MTO1: variants seen among roughly 807,000 people sequenced by gnomAD.
The protein encoded by MTO1 is mitochondrial tRNA translation optimization 1.
In MTO1, 46 loss-of-function variants were observed where a neutral mutation model predicts 71.6. That is an observed-to-expected ratio of 0.64 (90% CI 0.51 to 0.82). The LOEUF is 0.82. Ranked by LOEUF, MTO1 falls within the 40% of genes least tolerant of loss-of-function variation. The pLI, the probability that MTO1 is intolerant of heterozygous loss-of-function variation, is 0.00. For missense variants in MTO1, 773 were observed against 867.5 expected (o/e 0.89, Z 1.37); for synonymous variants, 297 against 312.1 (o/e 0.95, Z 0.51).
chr6:73,474,460 T>G (rs1322475237), intron 4 of MTO1, among the ~76,000 whole-genome samples: 1 of 152,168 alleles, frequency 6.6e-6, no homozygotes, highest in East Asian at 1.9e-4. Context: ...TTTCTTTTTT[T>G]TGTTTTTTTG....
chr6:73,479,261 G>A (rs1722336950), intron 4 of MTO1, among the ~76,000 whole-genome samples: 1 of 151,970 alleles, frequency 6.6e-6, no homozygotes, highest in Admixed American at 6.6e-5. Context: ...TTGGGAGGCT[G>A]AGGCAGGTGG....
intron 9 of MTO1, chr6:73,486,669 C>T (rs1031104186): frequency 5.8e-5 from 23 of 398,676 alleles, no homozygotes; most frequent in Non-Finnish European, 9.6e-5. Context: ...ACCTGGGAAG[C>T]GGAGGTTGCA....
chr6:73,461,967 A>G lies in MTO1; in HGVS notation c.113A>G (p.Asp38Gly). ...DSAAPRTPHFDVIVIGGGHAG... is the reference protein window; with the variant it reads ...DSAAPRTPHFGVIVIGGGHAG... ...GCGGCGCCCCGGACTCCGCACTTCGACGTGATAGTCATTGGTGGAGGACAT... is the reference window on the plus strand; with the variant it reads ...GCGGCGCCCCGGACTCCGCACTTCGGCGTGATAGTCATTGGTGGAGGACAT... Residue 38 changes from aspartate to glycine, a missense_variant, in exon 1 of 12, where the codon GAC becomes GGC. Physicochemically the swap from Asp to Gly is moderately conservative, Grantham distance 94. Coordinates refer to ENST00000498286, the MANE Select transcript of MTO1 (RefSeq NM_012123.4). 1.2e-6 allele frequency: 2 copies of G among 1,614,196 alleles called. No individual in the cohort carries two copies. Among genetic ancestry groups the G allele is most frequent in the Non-Finnish European group, 1.7e-6 (2 of 1,180,042 alleles).
At chr6:73,469,685 T>C (rs998151633) in intron 3 of MTO1, among the ~76,000 whole-genome samples, 3 of 150,942 alleles carry the variant, frequency 2.0e-5, no homozygotes, top group African/African-American at 7.3e-5. Flanking sequence ...CAGTTAATTT[T>C]ATTGCCTGGC....
Position 73,508,257 on chromosome 6 carries a change from T to C in MTO1, c.*7522T>C, listed in dbSNP as rs1212109409. The C allele has an allele frequency of 6.6e-6, 1 of 152,210 alleles. No homozygotes were observed. The highest frequency in any genetic ancestry group is 2.4e-5 in the African/African-American group (1 of 41,464). The allele number at this position is 152,210 out of a possible 1,614,324, so 9.4% of individuals were successfully genotyped here. ...TATATCTGAAGACAATAATAATTTC[T>C]TAGAATTTGCTAGGCTAAACAACTA... is the stretch of plus-strand genomic sequence containing the variant. On this transcript the variant is annotated 3_prime_UTR_variant, in exon 12 of 12. Coordinates refer to ENST00000498286, the MANE Select transcript of MTO1 (RefSeq NM_012123.4).
chr6:73,482,412 C>T (rs778016398), intron 8 of MTO1, 37 bp from the exon 9 acceptor site: 1 of 1,591,264 alleles, frequency 6.3e-7, no homozygotes, highest in East Asian at 2.2e-5. Flanking sequence ...CTTTAAAAAC[C>T]ACACTTCTCA....
chr6:73,479,874 T>C, intron 5 of MTO1, 30 bp downstream of exon 5: 1 of 1,604,024 alleles, frequency 6.2e-7, no homozygotes, highest in Admixed American at 1.7e-5. Context: ...GCTCAGTTAC[T>C]TTAAGGAATG....
Position 73,466,193 on chromosome 6 carries a change from T to C in MTO1, c.218-16T>C, listed in dbSNP as rs759022355. ...GGTGCTCATATATTTATTTTGTTTA[T>C]GTCTATTATCTTTAGGTCAGATGTC... On this transcript the variant is annotated splice_polypyrimidine_tract_variant and intron_variant, in intron 1 of 11. Coordinates refer to ENST00000498286, the MANE Select transcript of MTO1 (RefSeq NM_012123.4). 3.8e-6 allele frequency: 6 copies of C among 1,595,812 alleles called. No individual in the cohort carries two copies. Among genetic ancestry groups the C allele is most frequent in the Non-Finnish European group, 5.2e-6 (6 of 1,163,400 alleles).
intron 10 of MTO1, among the ~76,000 whole-genome samples, chr6:73,493,247 G>A (rs1771872356): frequency 6.6e-6 from 1 of 151,138 alleles, no homozygotes; most frequent in South Asian, 2.1e-4. Flanking sequence ...GCCTGCCTCG[G>A]CCTCCCAAAG....
intron 9 of MTO1, among the ~76,000 whole-genome samples, chr6:73,490,474 G>A (rs1017935648): frequency 1.2e-4 from 18 of 152,066 alleles, no homozygotes; most frequent in Non-Finnish European, 4.4e-5. Context: ...TGTATAAGGT[G>A]TAAGGAAGGG....
intron 9 of MTO1, among the ~76,000 whole-genome samples, chr6:73,488,645 T>G (rs1323165206): frequency 6.6e-6 from 1 of 151,968 alleles, no homozygotes; most frequent in Non-Finnish European, 1.5e-5. Context: ...CATGGTAGCT[T>G]GTGCCTGTAA....
chr6:73,462,292 AGTC>A, intron 1 of MTO1: 1 of 594,260 alleles, frequency 1.7e-6, no homozygotes, highest in East Asian at 2.8e-5. Context: ...TGCTGCTGAC[AGTC>A]GTCCGTTGTA....
At position 73,482,515 on chromosome 6, in the gene MTO1, TAGA is replaced by T; in HGVS notation, c.1538_1540del (p.Glu513del). 1 of 1,613,070 alleles carries T rather than the reference TAGA, an allele frequency of 6.2e-7. No individual in the cohort carries two copies. The highest frequency in any genetic ancestry group is 8.5e-7 in the Non-Finnish European group (1 of 1,179,640). On this transcript the variant is annotated inframe_deletion, in exon 9 of 12. Coordinates refer to ENST00000498286, the MANE Select transcript of MTO1 (RefSeq NM_012123.4). ...AGAGCTTGTTGGATGAAGTCTTCTT[TAGA>T]AGAAGGCATTTCTGTGTTGAAATCT...
chr6:73,507,760 G>A lies in MTO1; in HGVS notation c.*7025G>A, dbSNP rs1345285647. On this transcript the variant is annotated 3_prime_UTR_variant, in exon 12 of 12. Coordinates refer to ENST00000498286, the MANE Select transcript of MTO1 (RefSeq NM_012123.4). ...TGGGAGGCCAAGGCGGGCGGATCAC[G>A]AGGTCAGGAAATAGAGACCATCCTG... is the stretch of plus-strand genomic sequence containing the variant. 2.0e-5 allele frequency: 3 copies of A among 152,234 alleles called. No homozygotes were observed. The highest frequency in any genetic ancestry group is 4.4e-5 in the Non-Finnish European group (3 of 68,130). The allele number at this position is 152,234 out of a possible 1,614,324, so 9.4% of individuals were successfully genotyped here. A position where few individuals can be genotyped will look rare whatever the true frequency, so the allele number is the denominator to read the frequency against.
chr6:73,479,672 G>T, intron 4 of MTO1, 60 bp from the exon 5 acceptor site: 1 of 1,345,704 alleles, frequency 7.4e-7, no homozygotes, highest in Non-Finnish European at 1.1e-6. Flanking sequence ...GAATTTATTT[G>T]GATAAGAGAG....
rs1269667027 is a variant in MTO1, at chr6:73,468,564, T to TC, written c.535+1961dup. On this transcript the variant is annotated intron_variant, in intron 3 of 11. Coordinates refer to ENST00000498286, the MANE Select transcript of MTO1 (RefSeq NM_012123.4). ...ACTGCATGGAAGTGTATTATGTTTG[T>TC]CCCTTTCTTATGCTTGGTTTTGCCT... Among the ~76,000 whole-genome samples, 15 of 152,204 alleles carry TC rather than the reference T, an allele frequency of 9.9e-5. No individual in the cohort carries two copies. In the South Asian group the frequency reaches 2.7e-3, roughly 27 times the overall value.
chr6:73,497,170 T>TTTTTTTTTTTTG (rs398001974), intron 10 of MTO1, among the ~76,000 whole-genome samples: 1 of 140,324 alleles, frequency 7.1e-6, no homozygotes, highest in Non-Finnish European at 1.6e-5. Context: ...TTTTTTTTTT[T>TTTTTTTTTTTTG]GAGACAGAGT....
Position 73,503,217 on chromosome 6 carries a change from T to G in MTO1, c.*2482T>G, listed in dbSNP as rs1180777009. The G allele has an allele frequency of 2.0e-5, 3 of 152,304 alleles. No homozygotes were observed. Among genetic ancestry groups the G allele is most frequent in the East Asian group, 3.9e-4 (2 of 5,174 alleles). The allele number at this position is 152,304 out of a possible 1,614,324, so 9.4% of individuals were successfully genotyped here. A position where few individuals can be genotyped will look rare whatever the true frequency, so the allele number is the denominator to read the frequency against. On this transcript the variant is annotated 3_prime_UTR_variant, in exon 12 of 12. Coordinates refer to ENST00000498286, the MANE Select transcript of MTO1 (RefSeq NM_012123.4). ...TTGATCTCCTGGGCTCAAGTGATCC[T>G]TATGCCTCAGCCTCCCAAGTGGCTG...
At chr6:73,478,714 A>AT (rs1482015875) in intron 4 of MTO1, among the ~76,000 whole-genome samples, 6 of 136,246 alleles carry the variant, frequency 4.4e-5, no homozygotes, top group Non-Finnish European at 4.8e-5. Flanking sequence ...AATTTTTTGG[A>AT]TTTTTTTAGT....
Sources: allele counts gnomAD v4.1 joint callset (sites outside exome capture counted in the v4.1 genomes callset), GRCh38; gene constraint gnomAD v4.1.1; transcripts MANE v1.5; gene names NCBI Gene and HGNC (gene_info 2026-07-23, HGNC 2026-07-21).